Variants in RBM6 observed in about 807,000 individuals in gnomAD.
RBM6 encodes the protein RNA-binding protein 6.
In RBM6, 23 loss-of-function variants were observed where a neutral mutation model predicts 140.4. That is an observed-to-expected ratio of 0.16 (90% CI 0.12 to 0.23). RBM6 has a LOEUF of 0.23. RBM6 is among the 10% of genes least tolerant of loss of function. The probability of loss-of-function intolerance (pLI) is 1.00; values close to 1 mark genes in which losing one functional copy is unlikely to be tolerated. For missense variants in RBM6, 1,139 were observed against 1,386.7 expected, an observed-to-expected ratio of 0.82 and a Z score of 2.84; for synonymous variants, 439 against 475.6, an observed-to-expected ratio of 0.92 and a Z score of 1.00.
At chr3:49,946,310 G>C (rs1409671947) in intron 1 of RBM6, among the ~76,000 whole-genome samples, 1 of 151,126 alleles carries the variant, frequency 6.6e-6, no homozygotes, top group African/African-American at 2.4e-5. Context: ...GCACAATCTT[G>C]GCTCACTGCA....
chr3:49,984,626 G>A (rs62262141), intron 5 of RBM6, among the ~76,000 whole-genome samples: 1,333 of 41,020 alleles, frequency 0.032, 26 homozygotes, highest in African/African-American at 0.16. Flanking sequence ...GCATCGCATC[G>A]CATCGCATCG....
At chr3:50,007,091 C>G (rs2086616795) in intron 6 of RBM6, among the ~76,000 whole-genome samples, 1 of 151,414 alleles carries the variant, frequency 6.6e-6, no homozygotes, top group African/African-American at 2.4e-5. Context: ...GTGGCAGTGC[C>G]TAGGAGGATT....
At chr3:50,028,015 C>T (rs1379356218) in intron 6 of RBM6, among the ~76,000 whole-genome samples, 1 of 151,220 alleles carries the variant, frequency 6.6e-6, no homozygotes, top group Non-Finnish European at 1.5e-5. Context: ...ATTTGCATTA[C>T]CCATTTGAAT....
intron 6 of RBM6, among the ~76,000 whole-genome samples, chr3:50,015,282 AT>A (rs2087070710): frequency 6.7e-6 from 1 of 149,282 alleles, no homozygotes; most frequent in Non-Finnish European, 1.5e-5. Context: ...TAATTTTTGT[AT>A]TTTTAGCAGA....
At position 50,061,585 on chromosome 3, in the gene RBM6, AC is replaced by A. The variant is rs772092642; in HGVS notation, c.2439+40del. ...CTTTTTTTTTTTTTTTTTTTTTTTT[AC>A]CTCTGTCAATGATTCTTTTGAGAAA... On this transcript the variant is annotated intron_variant, in intron 14 of 20. Transcript: ENST00000266022. 2.1e-4 allele frequency: 100 copies of A among 470,420 alleles called. No homozygotes were observed. The East Asian group carries it at 5.2e-3, about 24-fold the overall frequency. 29.1% of individuals were successfully genotyped at this position (470,420 alleles called of 1,614,324 possible).
intron 5 of RBM6, among the ~76,000 whole-genome samples, chr3:49,990,523 A>T (rs1210281417): frequency 6.6e-6 from 1 of 152,234 alleles, no homozygotes; most frequent in Non-Finnish European, 1.5e-5. Flanking sequence ...GCTGTAATTA[A>T]AACACTATTG....
intron 20 of RBM6, among the ~76,000 whole-genome samples, chr3:50,075,859 C>T (rs1050463202): frequency 6.6e-6 from 1 of 152,148 alleles, no homozygotes; most frequent in Non-Finnish European, 1.5e-5. Flanking sequence ...TGGCTTATTT[C>T]TCTCCTACCG....
At chr3:49,996,944 A>G (rs1307895125) in intron 5 of RBM6, among the ~76,000 whole-genome samples, 1 of 152,166 alleles carries the variant, frequency 6.6e-6, no homozygotes, top group Non-Finnish European at 1.5e-5. Flanking sequence ...TGATCAGTTT[A>G]CCTATCCTTT....
intron 18 of RBM6, among the ~76,000 whole-genome samples, chr3:50,070,076 G>A (rs1235503670): frequency 5.3e-5 from 8 of 152,164 alleles, no homozygotes; most frequent in Admixed American, 5.2e-4. Flanking sequence ...AAATAACAAG[G>A]CCGGGTGCGG....
At chr3:49,999,618 T>G (rs562262158) in intron 6 of RBM6, 105 bp downstream of exon 6, 10 of 971,482 alleles carry the variant, frequency 1.0e-5, no homozygotes, top group Non-Finnish European at 1.3e-5. Context: ...AAGAAGTCTA[T>G]CTGTGGAGCA....
intron 4 of RBM6, among the ~76,000 whole-genome samples, chr3:49,974,373 ATTT>A (rs762062224): frequency 7.2e-6 from 1 of 139,666 alleles, no homozygotes. Context: ...CTCCTGGCTA[ATTT>A]TTTTTTTTTT....
At chr3:50,076,580 T>G (rs2090467489) in intron 20 of RBM6, among the ~76,000 whole-genome samples, 1 of 149,698 alleles carries the variant, frequency 6.7e-6, no homozygotes, top group Non-Finnish European at 1.5e-5. Context: ...AGAGCGAGAC[T>G]CTGTCTCAAA....
chr3:50,020,871 G>A (rs1471758964), intron 6 of RBM6, among the ~76,000 whole-genome samples: 1 of 152,122 alleles, frequency 6.6e-6, no homozygotes, highest in East Asian at 1.9e-4. Flanking sequence ...CATCATATAT[G>A]CAAGCCCATT....
At chr3:50,057,692 G>A (rs376568779) in intron 8 of RBM6, 36 bp from the exon 9 acceptor site, 582 of 1,464,362 alleles carry the variant, frequency 4.0e-4, no homozygotes, top group Non-Finnish European at 5.0e-4. Context: ...TTTTGATAAA[G>A]CTTTCTAGAG....
chr3:50,026,530 C>T (rs371970612), intron 6 of RBM6, among the ~76,000 whole-genome samples: 1 of 151,664 alleles, frequency 6.6e-6, no homozygotes, highest in Non-Finnish European at 1.5e-5. Context: ...CAGGCATGCA[C>T]CACCACGTCT....
intron 6 of RBM6, among the ~76,000 whole-genome samples, chr3:50,015,021 C>T (rs1407537462): frequency 3.1e-5 from 4 of 128,824 alleles, no homozygotes; most frequent in Admixed American, 2.9e-4. Flanking sequence ...TGTACTCCAG[C>T]CTGGCCAACA....
chr3:50,066,628 G>C, intron 17 of RBM6, 126 bp downstream of exon 17: 1 of 1,228,424 alleles, frequency 8.1e-7, no homozygotes, highest in Non-Finnish European at 1.1e-6. Flanking sequence ...AGAAGTACAA[G>C]ACCAGTCTGG....
At chr3:50,040,524 A>G (rs13059894) in intron 6 of RBM6, among the ~76,000 whole-genome samples, 4 of 143,522 alleles carry the variant, frequency 2.8e-5, no homozygotes, top group Non-Finnish European at 1.5e-5. Context: ...ACACGTGTGT[A>G]TATATATACA....
At chr3:50,005,917 GA>G (rs1294155172) in intron 6 of RBM6, among the ~76,000 whole-genome samples, 5 of 151,418 alleles carry the variant, frequency 3.3e-5, no homozygotes, top group African/African-American at 4.9e-5. Context: ...AACCTAGCTA[GA>G]AAAAAAAATT....
Sources: allele counts gnomAD v4.1 joint callset (sites outside exome capture counted in the v4.1 genomes callset), GRCh38; gene constraint gnomAD v4.1.1; transcripts MANE v1.5; gene names NCBI Gene and HGNC (gene_info 2026-07-23, HGNC 2026-07-21).